NGFR: variants seen among roughly 807,000 people sequenced by gnomAD.
NGFR encodes the protein nerve growth factor receptor, also known as tumor necrosis factor receptor superfamily member 16.
A neutral mutation model predicts 43.2 loss-of-function variants in NGFR; 30 were observed. That is an observed-to-expected ratio of 0.69 (90% CI 0.52 to 0.94). The LOEUF is 0.94. Ranked by LOEUF, NGFR falls within the 40% of genes least tolerant of loss-of-function variation. NGFR has a pLI of 0.00. For missense variants in NGFR, 529 were observed against 602.5 expected, an observed-to-expected ratio of 0.88 and a Z score of 1.28; for synonymous variants, 246 against 259.6, an observed-to-expected ratio of 0.95 and a Z score of 0.50.
In NGFR at chr17:49,506,454, T is replaced by C; in HGVS notation, c.364T>C (p.Cys122Arg). The change falls in exon 3 of 6, where the codon TGC (cysteine) becomes CGC (arginine). Residue 122 changes from cysteine to arginine, a missense_variant. Transcript: ENST00000172229. Reference protein sequence around the residue: ...GYYQDETTGRCEACRVCEAGS... With the variant: ...GYYQDETTGRREACRVCEAGS... ...CTACCAGGATGAGACGACTGGGCGCTGCGAGGCGTGCCGCGTGTGCGAGGC... is the reference window on the plus strand; with the variant it reads ...CTACCAGGATGAGACGACTGGGCGCCGCGAGGCGTGCCGCGTGTGCGAGGC... 6.2e-7 allele frequency: 1 copy of C among 1,608,704 alleles called. No homozygotes were observed. The highest frequency in any genetic ancestry group is 1.3e-5 in the African/African-American group (1 of 74,900).
intron 3 of NGFR, among the ~76,000 whole-genome samples, chr17:49,507,381 A>T (rs1214741710): frequency 6.6e-6 from 1 of 151,724 alleles, no homozygotes; most frequent in African/African-American, 2.4e-5. Flanking sequence ...AACACTAAGG[A>T]GGGGCTCTGT....
chr17:49,500,430 A>G lies in NGFR; in HGVS notation c.67-1633A>G, dbSNP rs1344017098. 2.0e-5 allele frequency among the ~76,000 whole-genome samples: 3 copies of G among 152,196 alleles called. No individual in the cohort carries two copies. In the East Asian group the frequency reaches 5.8e-4, roughly 29 times the overall value. On this transcript the variant is annotated intron_variant, in intron 1 of 5. Transcript: ENST00000172229. The stretch of plus-strand genomic sequence containing the variant: ...GGCCCTGGGGCAATCCAGCTCCCTC[A>G]GGGAGCTGACAGTCCAATGAGGGAG...
At chr17:49,498,589 C>T (rs2143421381) in intron 1 of NGFR, among the ~76,000 whole-genome samples, 1 of 152,260 alleles carries the variant, frequency 6.6e-6, no homozygotes, top group East Asian at 1.9e-4. Context: ...TCAACTGTTT[C>T]GCTGTTTCTC....
At chr17:49,505,393 G>A (rs774620740) in intron 2 of NGFR, among the ~76,000 whole-genome samples, 8 of 152,178 alleles carry the variant, frequency 5.3e-5, no homozygotes, top group Non-Finnish European at 7.3e-5. Flanking sequence ...TGGAAGGGGT[G>A]AAGAAGATCT....
At position 49,510,633 on chromosome 17, in the gene NGFR, G is replaced by T. The variant is rs191965251; in HGVS notation, c.790G>T (p.Val264Leu). ...VYCSILAAVV[V>L]GLVAYIAFKR... is the part of the protein sequence containing the mutation. ...TTGCTCCATCCTGGCTGCTGTGGTT[G>T]TGGGCCTTGTGGCCTACATAGCCTT... Residue 264 changes from valine to leucine, a missense_variant, in exon 4 of 6, where the codon GTG becomes TTG. Coordinates refer to ENST00000172229, the MANE Select transcript of NGFR (RefSeq NM_002507.4). 1.8e-4 allele frequency: 285 copies of T among 1,613,966 alleles called. 1 individual carries two copies. Among genetic ancestry groups the T allele is most frequent in the African/African-American group, 1.3e-5 (1 of 75,014 alleles).
At chr17:49,502,402 G>A (rs1412739500) in intron 2 of NGFR, among the ~76,000 whole-genome samples, 198 bp downstream of exon 2, 1 of 152,058 alleles carries the variant, frequency 6.6e-6, no homozygotes, top group Admixed American at 6.5e-5. Flanking sequence ...GAAGGGAAGT[G>A]TGCAGAGGGA....
chr17:49,499,746 C>T (rs1489057681), intron 1 of NGFR, among the ~76,000 whole-genome samples: 1 of 152,114 alleles, frequency 6.6e-6, no homozygotes, highest in Non-Finnish European at 1.5e-5. Context: ...CGCCACCACG[C>T]CTGGCTAATA....
Position 49,512,858 on chromosome 17 carries a change from A to G in NGFR, c.1133A>G (p.His378Arg). Residue 378 changes from histidine to arginine, a missense_variant, in exon 6 of 6, where the codon CAT becomes CGT. Physicochemically the swap from His to Arg is conservative, Grantham distance 29. Coordinates refer to ENST00000172229, the MANE Select transcript of NGFR (RefSeq NM_002507.4). This position sits in a 1 kb window ranked among gnomAD's most constrained non-coding sequence, Gnocchi z 5.2. ...YQPEHIDSFT[H>R]EACPVRALLA... ...CCCGAGCACATAGACTCCTTTACCC[A>G]TGAGGCCTGCCCCGTTCGCGCCCTG... 1 of 1,613,360 alleles carries G rather than the reference A, an allele frequency of 6.2e-7. No individual in the cohort carries two copies. Among genetic ancestry groups the G allele is most frequent in the Non-Finnish European group, 8.5e-7 (1 of 1,179,906 alleles).
chr17:49,501,999 A>ATGGGGGCCCCCCCCCC, intron 1 of NGFR, 64 bp from the exon 2 acceptor site: 2 of 330,984 alleles, frequency 6.0e-6, no homozygotes, highest in Non-Finnish European at 1.2e-5. Flanking sequence ...TCCCCGGAAG[A>ATGGGGGCCCCCCCCCC]ACCCCCCCCA....
At chr17:49,507,365 G>T (rs1043598625) in intron 3 of NGFR, among the ~76,000 whole-genome samples, 3 of 152,194 alleles carry the variant, frequency 2.0e-5, no homozygotes, top group African/African-American at 2.4e-5. Flanking sequence ...TGAGGGGCAT[G>T]CAGGGAACAC....
At position 49,495,513 on chromosome 17, in the gene NGFR, C is replaced by A; in HGVS notation, c.66+30C>A. ...GTGTTAGCCGGAGGGGGCCCGCTCC[C>A]TTTCCCGGGATCAGAACTCCGAGAA... On this transcript the variant is annotated intron_variant, in intron 1 of 5. Transcript: ENST00000172229. The surrounding 1 kb of genome is among the most constrained non-coding windows in gnomAD (Gnocchi z 6.4). 1.6e-6 allele frequency: 2 copies of A among 1,230,796 alleles called. No homozygotes were observed. Among genetic ancestry groups the A allele is most frequent in the Non-Finnish European group, 2.0e-6 (2 of 984,222 alleles). The allele number at this position is 1,230,796 out of a possible 1,614,324, so 76.2% of individuals were successfully genotyped here.
chr17:49,503,679 G>A (rs760526592), intron 2 of NGFR, among the ~76,000 whole-genome samples: 3 of 152,192 alleles, frequency 2.0e-5, no homozygotes, highest in East Asian at 1.9e-4. Flanking sequence ...ATGCCTGGGC[G>A]TATGTGTGGA....
chr17:49,502,821 T>G (rs565577448), intron 2 of NGFR, among the ~76,000 whole-genome samples: 2 of 117,136 alleles, frequency 1.7e-5, no homozygotes, highest in African/African-American at 6.7e-5. Flanking sequence ...GATTTCTTCC[T>G]TCCTTCCTTC....
At chr17:49,501,859 C>T (rs951442627) in intron 1 of NGFR, among the ~76,000 whole-genome samples, 11 of 152,258 alleles carry the variant, frequency 7.2e-5, no homozygotes, top group Non-Finnish European at 1.3e-4. Flanking sequence ...ACACCCCCAG[C>T]AGCCTGCACG....
rs1192251642 is a variant in NGFR at position 49,506,434 on chromosome 17, A to T, written c.344A>T (p.Gln115Leu). 1.2e-6 allele frequency: 2 copies of T among 1,607,456 alleles called. No individual in the cohort carries two copies. The highest frequency in any genetic ancestry group is 2.7e-5 in the African/African-American group (2 of 74,798). The change falls in exon 3 of 6, where the codon CAG becomes CTG. Residue 115 changes from glutamine to leucine, a missense_variant. Gln to Leu is a moderately radical substitution (Grantham distance 113). Coordinates refer to ENST00000172229, the MANE Select transcript of NGFR (RefSeq NM_002507.4). Reference sequence around the variant, plus strand: ...TGCCGCTGCGCCTACGGCTACTACCAGGATGAGACGACTGGGCGCTGCGAG... The same window carrying T: ...TGCCGCTGCGCCTACGGCTACTACCTGGATGAGACGACTGGGCGCTGCGAG... ...AVCRCAYGYY[Q>L]DETTGRCEAC...
At chr17:49,498,267 G>A (rs117464272) in intron 1 of NGFR, among the ~76,000 whole-genome samples, 19 of 152,198 alleles carry the variant, frequency 1.2e-4, no homozygotes, top group East Asian at 5.8e-4. Context: ...CTATGCCTTT[G>A]GCCCCACACA....
rs1219976986 is a variant in NGFR at position 49,513,913 on chromosome 17, CA to C, written c.*905del. ...GCTGCTTCCCTCTGCCTGTCCCTCT[CA>C]GGCATGCCTGTGTGACATCAGTGGC... On this transcript the variant is annotated 3_prime_UTR_variant, in exon 6 of 6. Coordinates refer to ENST00000172229, the MANE Select transcript of NGFR (RefSeq NM_002507.4). 2 of 152,458 alleles carry C rather than the reference CA, an allele frequency of 1.3e-5. No individual in the cohort carries two copies. The highest frequency in any genetic ancestry group is 2.9e-5 in the Non-Finnish European group (2 of 68,198). The allele number at this position is 152,458 out of a possible 1,614,324, so 9.4% of individuals were successfully genotyped here.
intron 2 of NGFR, among the ~76,000 whole-genome samples, chr17:49,502,649 G>A (rs543666161): frequency 1.3e-5 from 2 of 152,180 alleles, no homozygotes; most frequent in Non-Finnish European, 2.9e-5. Context: ...GATCCTGGGG[G>A]TGTGGCTGTT....
chr17:49,499,022 C>T (rs1192011043), intron 1 of NGFR, among the ~76,000 whole-genome samples: 1 of 152,172 alleles, frequency 6.6e-6, no homozygotes, highest in African/African-American at 2.4e-5. Context: ...ACATTATCAA[C>T]CCAATGTTTT....
Sources: allele counts gnomAD v4.1 joint callset (sites outside exome capture counted in the v4.1 genomes callset), GRCh38; gene constraint gnomAD v4.1.1; non-coding constraint Gnocchi (gnomAD v3.1); transcripts MANE v1.5; gene names NCBI Gene and HGNC (gene_info 2026-07-23, HGNC 2026-07-21).